The following XPNPEP3 variants were observed in gnomAD, a reference collection of about 807,000 sequenced individuals.
XPNPEP3 encodes the protein xaa-Pro aminopeptidase 3.
Under a neutral mutation model 60.0 loss-of-function variants are expected in XPNPEP3, and 41 were observed. The observed-to-expected ratio is 0.68, with a 90% CI of 0.53 to 0.89. XPNPEP3 has a LOEUF of 0.89. Ranked by LOEUF, XPNPEP3 falls within the 40% of genes least tolerant of loss-of-function variation. The probability of loss-of-function intolerance (pLI) is 0.00; values close to 1 mark genes in which losing one functional copy is unlikely to be tolerated. For missense variants in XPNPEP3, 598 were observed against 638.9 expected (o/e 0.94, Z 0.69); for synonymous variants, 212 against 223.2 (o/e 0.95, Z 0.45).
chr22:40,892,672 C>T (rs1354449251), intron 4 of XPNPEP3, among the ~76,000 whole-genome samples: 1 of 152,100 alleles, frequency 6.6e-6, no homozygotes, highest in Non-Finnish European at 1.5e-5. Context: ...TGCTTTACTA[C>T]AACTAGAAAA....
At chr22:40,916,273 CAG>C (rs1377449104) in intron 7 of XPNPEP3, among the ~76,000 whole-genome samples, 1 of 150,222 alleles carries the variant, frequency 6.7e-6, no homozygotes, top group Non-Finnish European at 1.5e-5. Context: ...GCTTGGGCGA[CAG>C]AGTGAGACTC....
chr22:40,857,677 A>G (rs1375238265), intron 1 of XPNPEP3, among the ~76,000 whole-genome samples: 1 of 152,254 alleles, frequency 6.6e-6, no homozygotes, highest in East Asian at 1.9e-4. Flanking sequence ...ACTGTTTCGA[A>G]ATACTTCTGG....
Position 40,927,881 on chromosome 22 carries a change from AAAAAAAAAAAAG to A in XPNPEP3, c.*1457_*1468del, listed in dbSNP as rs1310800062. On this transcript the variant is annotated 3_prime_UTR_variant, in exon 10 of 10. Transcript: ENST00000357137. ...CAGAGCGAGACTCCGTCTCAAAAAA[AAAAAAAAAAAAG>A]AAAAAAAAAAGAAAGATTTCTTTCG... 6.8e-6 allele frequency: 1 copy of A among 146,886 alleles called. No individual in the cohort carries two copies. The highest frequency in any genetic ancestry group is 2.5e-5 in the African/African-American group (1 of 39,576). The allele number at this position is 146,886 out of a possible 1,614,324, so 9.1% of individuals were successfully genotyped here.
At chr22:40,904,550 T>TA (rs911898459) in intron 4 of XPNPEP3, among the ~76,000 whole-genome samples, 9 of 150,660 alleles carry the variant, frequency 6.0e-5, no homozygotes, top group African/African-American at 2.2e-4. Context: ...CCCCATCTCT[T>TA]AAAAAAAAAA....
At chr22:40,870,194 A>C in intron 2 of XPNPEP3, 1 of 378,652 alleles carries the variant, frequency 2.6e-6, no homozygotes, top group East Asian at 9.0e-5. Context: ...CTACCCTATC[A>C]ACCTACCTGT....
intron 4 of XPNPEP3, among the ~76,000 whole-genome samples, chr22:40,895,182 C>T (rs778347831): frequency 1.1e-4 from 17 of 152,198 alleles, no homozygotes; most frequent in Admixed American, 5.9e-4. Flanking sequence ...GAGGAAAAGA[C>T]TACTTGCTCA....
In XPNPEP3 at chr22:40,876,022, AAAAT is replaced by A. The variant is rs561713649; in HGVS notation, c.182-5735_182-5732del. Among the ~76,000 whole-genome samples the A allele has an allele frequency of 2.4e-3, 362 of 152,270 alleles. 1 individual carries two copies. Among genetic ancestry groups the A allele is most frequent in the Non-Finnish European group, 3.9e-3 (263 of 68,022 alleles). ...GCAACAGAGCAAGACTCTGTCTCAA[AAAAT>A]AAATAAATAAATGACATTTGTATTT... On this transcript the variant is annotated intron_variant, in intron 2 of 9. Coordinates refer to ENST00000357137, the MANE Select transcript of XPNPEP3 (RefSeq NM_022098.4).
intron 1 of XPNPEP3, 43 bp from the exon 2 acceptor site, chr22:40,868,956 C>A: frequency 6.6e-7 from 1 of 1,507,876 alleles, no homozygotes; most frequent in Non-Finnish European, 9.2e-7. Context: ...TGAAGACTTT[C>A]TAGATCTATT....
In XPNPEP3 at chr22:40,931,196, A is replaced by G. The variant is rs2058253568; in HGVS notation, c.*4761A>G. ...AATAATATATATACCAGGCATTCCT[A>G]TTAAAAATCTTAACTTAAAAAAAAT... On this transcript the variant is annotated 3_prime_UTR_variant, in exon 10 of 10. Transcript: ENST00000357137. 1 of 152,126 alleles carries G rather than the reference A, an allele frequency of 6.6e-6. No homozygotes were observed. The allele number at this position is 152,126 out of a possible 1,614,324, so 9.4% of individuals were successfully genotyped here.
intron 7 of XPNPEP3, among the ~76,000 whole-genome samples, chr22:40,919,619 C>T (rs1046250091): frequency 9.9e-5 from 15 of 152,278 alleles, no homozygotes; most frequent in Non-Finnish European, 1.9e-4. Context: ...CTTGCCTTGG[C>T]CTGCCAAAAC....
At chr22:40,878,245 T>G (rs2058034930) in intron 2 of XPNPEP3, among the ~76,000 whole-genome samples, 1 of 152,040 alleles carries the variant, frequency 6.6e-6, no homozygotes, top group East Asian at 1.9e-4. Context: ...GGAGAGTGCT[T>G]TGTTGCGTTG....
chr22:40,866,913 T>A (rs1461860401), intron 1 of XPNPEP3, among the ~76,000 whole-genome samples: 1 of 152,192 alleles, frequency 6.6e-6, no homozygotes, highest in African/African-American at 2.4e-5. Context: ...GAAAAAGGAA[T>A]CAGTTAACTT....
At chr22:40,865,325 C>CTTTT (rs11365518) in intron 1 of XPNPEP3, among the ~76,000 whole-genome samples, 1 of 112,660 alleles carries the variant, frequency 8.9e-6, no homozygotes, top group Admixed American at 9.9e-5. Context: ...GCCCTCCTCA[C>CTTTT]TTTTTTTTTT....
chr22:40,909,036 T>A, intron 5 of XPNPEP3, 86 bp from the exon 6 acceptor site: 10 of 985,256 alleles, frequency 1.0e-5, no homozygotes, highest in Non-Finnish European at 1.6e-5. Flanking sequence ...TAAGTACTGG[T>A]ATGGAGGTAT....
chr22:40,898,902 T>G (rs897673727), intron 4 of XPNPEP3, among the ~76,000 whole-genome samples: 24 of 152,158 alleles, frequency 1.6e-4, no homozygotes, highest in African/African-American at 4.3e-4. Context: ...AGGCACTGAC[T>G]ATGTGATGAG....
chr22:40,870,449 A>C (rs2057999490), intron 2 of XPNPEP3: 1 of 154,570 alleles, frequency 6.5e-6, no homozygotes, highest in African/African-American at 2.4e-5. Flanking sequence ...ATGTATGTGA[A>C]TATCTGGGGG....
intron 7 of XPNPEP3, among the ~76,000 whole-genome samples, chr22:40,921,545 C>T (rs1408064688): frequency 2.7e-5 from 4 of 149,410 alleles, no homozygotes; most frequent in African/African-American, 9.9e-5. Flanking sequence ...CTGTGGTGGG[C>T]TGGGGTATGG....
At chr22:40,868,426 T>C (rs1344573973) in intron 1 of XPNPEP3, among the ~76,000 whole-genome samples, 1 of 146,010 alleles carries the variant, frequency 6.8e-6, no homozygotes, top group Non-Finnish European at 1.5e-5. Flanking sequence ...TATATATGTG[T>C]GCGTGTGTGT....
At chr22:40,900,601 G>C (rs1273102680) in intron 4 of XPNPEP3, among the ~76,000 whole-genome samples, 1 of 151,162 alleles carries the variant, frequency 6.6e-6, no homozygotes, top group African/African-American at 2.4e-5. Flanking sequence ...GCAAGACTCT[G>C]TCTCAAAAAA....
Sources: gnomAD v4.1 joint callset for allele counts (sites outside exome capture counted in the v4.1 genomes callset) on GRCh38, gnomAD v4.1.1 for gene constraint, MANE v1.5 for transcripts, NCBI Gene and HGNC (gene_info 2026-07-23, HGNC 2026-07-21) for gene names.